Variants in RWDD1 observed in about 807,000 individuals in gnomAD.
RWDD1 encodes the protein RWD domain containing 1, also known as RWD domain-containing protein 1.
In RWDD1, 17 loss-of-function variants were observed where a neutral mutation model predicts 31.6. That is an observed-to-expected ratio of 0.54 (90% CI 0.37 to 0.81). RWDD1 has a LOEUF of 0.81. Among genes scored for constraint, RWDD1 ranks in the 30% least tolerant of loss-of-function variants. The pLI, the probability that RWDD1 is intolerant of heterozygous loss-of-function variation, is 0.00. For missense variants in RWDD1, 204 were observed against 274.5 expected (o/e 0.74, Z 1.82); for synonymous variants, 78 against 94.2 (o/e 0.83, Z 0.99).
chr6:116,591,424 A>C (rs1302830259), intron 6 of RWDD1, among the ~76,000 whole-genome samples: 1 of 152,208 alleles, frequency 6.6e-6, no homozygotes, highest in Non-Finnish European at 1.5e-5. Context: ...TTCTAGTATC[A>C]TAAATCTGTG....
intron 2 of RWDD1, among the ~76,000 whole-genome samples, chr6:116,581,564 T>C (rs960845656): frequency 5.9e-5 from 9 of 151,986 alleles, no homozygotes; most frequent in Admixed American, 2.0e-4. Flanking sequence ...TACTTTTTTT[T>C]CCCCAAAAAC....
intron 1 of RWDD1, among the ~76,000 whole-genome samples, chr6:116,573,617 G>C (rs1245752660): frequency 6.6e-6 from 1 of 152,140 alleles, no homozygotes; most frequent in Non-Finnish European, 1.5e-5. Flanking sequence ...AAATCTTGGA[G>C]ATTTGCAAGA....
chr6:116,587,801 G>A (rs555910674), intron 3 of RWDD1, among the ~76,000 whole-genome samples: 61 of 152,114 alleles, frequency 4.0e-4, no homozygotes, highest in Non-Finnish European at 7.8e-4. Context: ...AGCTGAAAAT[G>A]TTGGTACTCC....
chr6:116,573,423 G>A (rs1476465074), intron 1 of RWDD1, among the ~76,000 whole-genome samples: 2 of 152,114 alleles, frequency 1.3e-5, no homozygotes, highest in Non-Finnish European at 2.9e-5. Context: ...ATTATCAGAT[G>A]AGCCATCTGT....
chr6:116,592,943 A>G, intron 6 of RWDD1, 37 bp from the exon 7 acceptor site: 1 of 1,582,536 alleles, frequency 6.3e-7, no homozygotes, highest in South Asian at 1.1e-5. Flanking sequence ...TATAAGACTA[A>G]AGGAGATTTT....
In RWDD1 at chr6:116,595,641, T is replaced by A. The variant is rs1432519862; in HGVS notation, c.*2540T>A. The A allele has an allele frequency of 6.6e-6, 1 of 152,232 alleles. No individual in the cohort carries two copies. Among genetic ancestry groups the A allele is most frequent in the Non-Finnish European group, 1.5e-5 (1 of 68,048 alleles). 9.4% of individuals were successfully genotyped at this position (152,232 alleles called of 1,614,324 possible). A position where few individuals can be genotyped will look rare whatever the true frequency, so the allele number is the denominator to read the frequency against. Reference sequence around the variant, plus strand: ...ACAGATATGTTTATTCATTACTGTATCCCTGTAATAATGCCTGGCATGCAG... The same window carrying A: ...ACAGATATGTTTATTCATTACTGTAACCCTGTAATAATGCCTGGCATGCAG... On this transcript the variant is annotated 3_prime_UTR_variant, in exon 7 of 7. Transcript: ENST00000466444.
At chr6:116,580,022 C>A (rs1321533) in intron 1 of RWDD1, among the ~76,000 whole-genome samples, 59,658 of 151,862 alleles carry the variant, frequency 0.39, 12,292 homozygotes, top group African/African-American at 0.52. Context: ...TTAAAATAAA[C>A]GGTAAACTAC....
At chr6:116,578,285 G>A (rs1207354331) in intron 1 of RWDD1, among the ~76,000 whole-genome samples, 1 of 152,118 alleles carries the variant, frequency 6.6e-6, no homozygotes, top group Admixed American at 6.5e-5. Context: ...TGTCGGTTTA[G>A]TTGGCAGCTT....
At chr6:116,589,044 G>A in intron 4 of RWDD1, 59 bp downstream of exon 4, 1 of 1,176,828 alleles carries the variant, frequency 8.5e-7, no homozygotes, top group Non-Finnish European at 1.1e-6. Context: ...CAGTTGCTTG[G>A]TTGGGTTTTT....
Position 116,594,240 on chromosome 6 carries a change from TC to T in RWDD1, c.*1142del, listed in dbSNP as rs1476358711. The stretch of plus-strand genomic sequence containing the variant: ...CCCAAACACCCCACCAGCCCCCATC[TC>T]CCAACACCACCACACTGGGGATTAA... On this transcript the variant is annotated 3_prime_UTR_variant, in exon 7 of 7. Transcript: ENST00000466444. 6.6e-6 allele frequency: 1 copy of T among 151,698 alleles called. No homozygotes were observed. Among genetic ancestry groups the T allele is most frequent in the Non-Finnish European group, 1.5e-5 (1 of 67,934 alleles). 9.4% of individuals were successfully genotyped at this position (151,698 alleles called of 1,614,324 possible).
chr6:116,594,305 C>G lies in RWDD1; in HGVS notation c.*1204C>G, dbSNP rs997214435. ...ATTTGGAGAGGACAAATATCCAAACCATAGCAGTCTTAAAGTATTTAAATT... is the reference window on the plus strand; with the variant it reads ...ATTTGGAGAGGACAAATATCCAAACGATAGCAGTCTTAAAGTATTTAAATT... On this transcript the variant is annotated 3_prime_UTR_variant, in exon 7 of 7. Coordinates refer to ENST00000466444, the MANE Select transcript of RWDD1 (RefSeq NM_015952.4). 1 of 151,946 alleles carries G rather than the reference C, an allele frequency of 6.6e-6. No homozygotes were observed. The allele number at this position is 151,946 out of a possible 1,614,324, so 9.4% of individuals were successfully genotyped here.
At chr6:116,573,814 A>G (rs1175194402) in intron 1 of RWDD1, among the ~76,000 whole-genome samples, 1 of 149,788 alleles carries the variant, frequency 6.7e-6, no homozygotes, top group African/African-American at 2.4e-5. Context: ...AATGAAGGAA[A>G]TAGATATACT....
chr6:116,583,671 G>T (rs1389656484), intron 2 of RWDD1, among the ~76,000 whole-genome samples: 3 of 151,472 alleles, frequency 2.0e-5, no homozygotes. Context: ...TATTTGTCAA[G>T]TATACCTTAA....
chr6:116,597,417 C>T lies in RWDD1; in HGVS notation c.*4316C>T, dbSNP rs1583339440. The T allele has an allele frequency of 6.6e-6, 1 of 152,184 alleles. No homozygotes were observed. Among genetic ancestry groups the T allele is most frequent in the East Asian group, 1.9e-4 (1 of 5,198 alleles). The allele number at this position is 152,184 out of a possible 1,614,324, so 9.4% of individuals were successfully genotyped here. ...CCTTCCTCTTATAGCTATTGCCTATCTCTGCCTTTGCAGCTGTTCTCCTTT... is the reference window on the plus strand; with the variant it reads ...CCTTCCTCTTATAGCTATTGCCTATTTCTGCCTTTGCAGCTGTTCTCCTTT... On this transcript the variant is annotated 3_prime_UTR_variant, in exon 7 of 7. Transcript: ENST00000466444.
chr6:116,583,272 T>A (rs1774979478), intron 2 of RWDD1, among the ~76,000 whole-genome samples: 1 of 152,210 alleles, frequency 6.6e-6, no homozygotes, highest in Non-Finnish European at 1.5e-5. Flanking sequence ...CCCCAGCGCC[T>A]GGCCATGTTC....
At chr6:116,592,898 G>GGT (rs1388181327) in intron 6 of RWDD1, 82 bp from the exon 7 acceptor site, 5 of 1,447,650 alleles carry the variant, frequency 3.5e-6, no homozygotes, top group Non-Finnish European at 3.7e-6. Flanking sequence ...ATTTCTGTTT[G>GGT]GTAGTGCCAA....
chr6:116,586,850 C>T (rs1400943099), intron 3 of RWDD1, among the ~76,000 whole-genome samples: 1 of 152,072 alleles, frequency 6.6e-6, no homozygotes, highest in East Asian at 1.9e-4. Flanking sequence ...AAAGGTTGTG[C>T]CAATTTATGA....
chr6:116,581,747 C>T (rs1338679405), intron 2 of RWDD1, among the ~76,000 whole-genome samples: 9 of 151,940 alleles, frequency 5.9e-5, no homozygotes, highest in Admixed American at 2.6e-4. Flanking sequence ...GAATATGAAT[C>T]GAAACACATG....
chr6:116,578,304 T>C (rs1774886454), intron 1 of RWDD1, among the ~76,000 whole-genome samples: 2 of 152,256 alleles, frequency 1.3e-5, no homozygotes, highest in Non-Finnish European at 2.9e-5. Flanking sequence ...TTATTTTTCT[T>C]TCTTAGTGGT....
Sources: allele counts gnomAD v4.1 joint callset (sites outside exome capture counted in the v4.1 genomes callset), GRCh38; gene constraint gnomAD v4.1.1; transcripts MANE v1.5; gene names NCBI Gene and HGNC (gene_info 2026-07-23, HGNC 2026-07-21).